Variants in FSTL5 observed in about 807,000 individuals in gnomAD.
The protein encoded by FSTL5 is follistatin like 5.
FSTL5 carries 62 observed loss-of-function variants against 89.1 expected under a neutral mutation model. That is an observed-to-expected ratio of 0.70 (90% CI 0.57 to 0.86). The LOEUF is 0.86. FSTL5 is among the 40% of genes least tolerant of loss of function. The pLI is 0.00. For missense variants in FSTL5, 1,057 were observed against 1,001.6 expected, an observed-to-expected ratio of 1.06 and a Z score of -0.75; for synonymous variants, 383 against 346.2, an observed-to-expected ratio of 1.11 and a Z score of -1.18.
chr4:161,794,149 T>A (rs578183430), intron 4 of FSTL5, among the ~76,000 whole-genome samples: 24 of 152,256 alleles, frequency 1.6e-4, no homozygotes, highest in African/African-American at 5.5e-4. Context: ...CCTGAGGAGC[T>A]TTGAAACAAG....
intron 3 of FSTL5, among the ~76,000 whole-genome samples, chr4:162,000,834 T>C (rs982929752): frequency 6.6e-6 from 1 of 151,686 alleles, no homozygotes; most frequent in African/African-American, 2.4e-5. Context: ...CAAATAAGAA[T>C]TACAGCCCTT....
chr4:161,949,492 G>C (rs1252451655), intron 3 of FSTL5, among the ~76,000 whole-genome samples: 1 of 151,814 alleles, frequency 6.6e-6, no homozygotes, highest in Non-Finnish European at 1.5e-5. Context: ...TGAACTTCTT[G>C]ATTCAATGGT....
chr4:161,630,405 G>C (rs563210279), intron 7 of FSTL5, among the ~76,000 whole-genome samples: 3 of 152,252 alleles, frequency 2.0e-5, no homozygotes, highest in African/African-American at 7.2e-5. Flanking sequence ...CTCTCTCCAG[G>C]TCAGCTCAAG....
intron 6 of FSTL5, among the ~76,000 whole-genome samples, chr4:161,726,799 A>G (rs1739436938): frequency 6.6e-6 from 1 of 151,892 alleles, no homozygotes; most frequent in African/African-American, 2.4e-5. Context: ...CTCTGAAAGC[A>G]GATAACCTCA....
At chr4:161,802,528 A>C (rs1729830322) in intron 4 of FSTL5, among the ~76,000 whole-genome samples, 1 of 151,688 alleles carries the variant, frequency 6.6e-6, no homozygotes, top group African/African-American at 2.4e-5. Context: ...TATAGGAACA[A>C]ACTTCCTAAG....
chr4:161,566,001 T>C (rs970297942), intron 8 of FSTL5, among the ~76,000 whole-genome samples: 7 of 150,616 alleles, frequency 4.6e-5, no homozygotes, highest in Non-Finnish European at 8.9e-5. Context: ...CAGTTTTCCA[T>C]AGAGGTTGTA....
intron 15 of FSTL5, among the ~76,000 whole-genome samples, chr4:161,400,867 T>C (rs1193687594): frequency 6.6e-6 from 1 of 152,158 alleles, no homozygotes; most frequent in African/African-American, 2.4e-5. Flanking sequence ...TGTTATTATG[T>C]TATCAGAGAT....
intron 10 of FSTL5, among the ~76,000 whole-genome samples, chr4:161,530,745 T>A (rs145681380): frequency 5.6e-4 from 86 of 152,228 alleles, no homozygotes; most frequent in African/African-American, 2.0e-3. Flanking sequence ...ACTAAAATCA[T>A]AGCAAGATGT....
chr4:162,085,631 A>C (rs1730287665), intron 2 of FSTL5, among the ~76,000 whole-genome samples: 1 of 152,102 alleles, frequency 6.6e-6, no homozygotes, highest in Admixed American at 6.6e-5. Context: ...GTGTTACATC[A>C]CCAGTTTCAT....
intron 4 of FSTL5, among the ~76,000 whole-genome samples, chr4:161,918,735 C>T (rs1733907588): frequency 6.6e-6 from 1 of 151,942 alleles, no homozygotes; most frequent in South Asian, 2.1e-4. Context: ...ACCTCCGCCT[C>T]CTGGGTTCAA....
At chr4:162,043,759 T>C (rs940262785) in intron 2 of FSTL5, among the ~76,000 whole-genome samples, 2 of 152,206 alleles carry the variant, frequency 1.3e-5, no homozygotes, top group African/African-American at 4.8e-5. Context: ...CTAAACCCTT[T>C]GTTGTCATTT....
At chr4:161,978,321 A>G (rs561670198) in intron 3 of FSTL5, among the ~76,000 whole-genome samples, 1 of 152,288 alleles carries the variant, frequency 6.6e-6, no homozygotes, top group East Asian at 1.9e-4. Context: ...AATAACTTCA[A>G]TTGGAAAAAC....
At chr4:161,897,809 T>C (rs780611180) in intron 4 of FSTL5, among the ~76,000 whole-genome samples, 7 of 151,510 alleles carry the variant, frequency 4.6e-5, no homozygotes, top group African/African-American at 7.2e-5. Flanking sequence ...ATGTATAATG[T>C]GATATATACA....
At chr4:161,584,005 GACAA>G (rs1388045056) in intron 8 of FSTL5, among the ~76,000 whole-genome samples, 1 of 151,908 alleles carries the variant, frequency 6.6e-6, no homozygotes, top group Non-Finnish European at 1.5e-5. Context: ...TTACTCACCT[GACAA>G]ACAAAACACT....
In FSTL5 at chr4:161,854,367, A is replaced by G. The variant is rs572473523; in HGVS notation, c.409+66037T>C. Among the ~76,000 whole-genome samples, 42 of 152,318 alleles carry G rather than the reference A, an allele frequency of 2.8e-4. No individual in the cohort carries two copies. The South Asian group carries it at 6.2e-3, about 23-fold the overall frequency. On this transcript the variant is annotated intron_variant, in intron 4 of 15. Transcript: ENST00000306100. ...TTGGCATAGAGGCTGCTTACACAGG[A>G]AAGAGTAATATCAGTTATCTCAATG...
At chr4:161,764,418 C>G (rs573423703) in intron 5 of FSTL5, among the ~76,000 whole-genome samples, 1 of 152,088 alleles carries the variant, frequency 6.6e-6, no homozygotes, top group Admixed American at 6.5e-5. Context: ...ACCACCACGC[C>G]CAGCTAATTT....
intron 12 of FSTL5, among the ~76,000 whole-genome samples, chr4:161,498,646 A>G (rs1730178430): frequency 6.6e-6 from 1 of 152,146 alleles, no homozygotes; most frequent in South Asian, 2.1e-4. Flanking sequence ...TGTAGAAATC[A>G]GAGAGAAACA....
intron 2 of FSTL5, chr4:162,047,710 A>C (rs1285860398): frequency 6.6e-6 from 1 of 152,452 alleles, no homozygotes; most frequent in East Asian, 1.9e-4. Context: ...CTGTAATCCC[A>C]GCTTTTTCGG....
chr4:161,726,125 T>G (rs941040002), intron 6 of FSTL5, among the ~76,000 whole-genome samples: 1 of 151,868 alleles, frequency 6.6e-6, no homozygotes, highest in African/African-American at 2.4e-5. Flanking sequence ...GCTTCTACAA[T>G]GAATTCAAAA....
Sources: allele counts gnomAD v4.1 joint callset (sites outside exome capture counted in the v4.1 genomes callset), GRCh38; gene constraint gnomAD v4.1.1; transcripts MANE v1.5; gene names NCBI Gene and HGNC (gene_info 2026-07-23, HGNC 2026-07-21).